TCERG1L: variants seen among roughly 807,000 people sequenced by gnomAD.
TCERG1L encodes transcription elongation regulator 1-like protein.
TCERG1L carries 37 observed loss-of-function variants against 56.3 expected under a neutral mutation model. The ratio of observed to expected loss-of-function variants is 0.66; its 90% CI spans 0.51 to 0.87. The LOEUF is 0.87. Among genes scored for constraint, TCERG1L ranks in the 40% least tolerant of loss-of-function variants. The pLI is 0.00. For synonymous variants in TCERG1L, 324 were observed against 326.3 expected, an observed-to-expected ratio of 0.99 and a Z score of 0.08; for missense variants, 799 against 774.2, an observed-to-expected ratio of 1.03 and a Z score of -0.38.
Position 131,211,799 on chromosome 10 carries a change from G to A in TCERG1L, c.857-44914C>T, listed in dbSNP as rs918614676. ...CAGGCCTGCCGGGCCACTTGCCAGCGTCACCTCTAGTGCAGACGGCGGCTG... is the reference window on the plus strand; with the variant it reads ...CAGGCCTGCCGGGCCACTTGCCAGCATCACCTCTAGTGCAGACGGCGGCTG... On this transcript the variant is annotated intron_variant, in intron 4 of 11. Coordinates refer to ENST00000368642, the MANE Select transcript of TCERG1L (RefSeq NM_174937.4). 7.9e-5 allele frequency among the ~76,000 whole-genome samples: 12 copies of A among 152,162 alleles called. 1 individual carries two copies. Among genetic ancestry groups the A allele is most frequent in the South Asian group, 6.2e-4 (3 of 4,824 alleles).
intron 4 of TCERG1L, among the ~76,000 whole-genome samples, chr10:131,240,570 G>A (rs1005506705): frequency 2.0e-5 from 3 of 152,166 alleles, no homozygotes; most frequent in African/African-American, 4.8e-5. Context: ...CGTCTGTCCC[G>A]AAGGCCAGGC....
At position 131,308,911 on chromosome 10, in the gene TCERG1L, A is replaced by C. The variant is rs112470791; in HGVS notation, c.489+242T>G. ...CAAAAAAATTTTAAAAAAGACTCTGATTCAAAAATTGGAAATTTTACATTG... is the reference window on the plus strand; with the variant it reads ...CAAAAAAATTTTAAAAAAGACTCTGCTTCAAAAATTGGAAATTTTACATTG... On this transcript the variant is annotated intron_variant, in intron 2 of 11. Coordinates refer to ENST00000368642, the MANE Select transcript of TCERG1L (RefSeq NM_174937.4). Among the ~76,000 whole-genome samples, 155 of 152,264 alleles carry C rather than the reference A, an allele frequency of 1.0e-3. 1 individual carries two copies. Among genetic ancestry groups the C allele is most frequent in the African/African-American group, 3.6e-3 (148 of 41,528 alleles).
intron 8 of TCERG1L, among the ~76,000 whole-genome samples, chr10:131,121,758 A>G (rs1845515968): frequency 1.3e-5 from 2 of 151,336 alleles, no homozygotes; most frequent in Non-Finnish European, 1.5e-5. Flanking sequence ...CTCAGTCTGC[A>G]GGTGCCAGGT....
chr10:131,249,389 CT>C (rs1405219702), intron 4 of TCERG1L, among the ~76,000 whole-genome samples: 1 of 151,316 alleles, frequency 6.6e-6, no homozygotes, highest in Admixed American at 6.6e-5. Context: ...AGTATAGGGG[CT>C]TCCACAGCCC....
At chr10:131,111,646 G>A (rs371388493) in intron 9 of TCERG1L, among the ~76,000 whole-genome samples, 6 of 142,602 alleles carry the variant, frequency 4.2e-5, no homozygotes, top group South Asian at 2.6e-4. Context: ...TTTGAAATAC[G>A]GTCACGATTT....
In TCERG1L at chr10:131,129,912, G is replaced by A. The variant is rs575738855; in HGVS notation, c.1259+4467C>T. Among the ~76,000 whole-genome samples, 4 of 152,154 alleles carry A rather than the reference G, an allele frequency of 2.6e-5. No individual in the cohort carries two copies. In the South Asian group the frequency reaches 8.3e-4, roughly 32 times the overall value. ...ATGGTGGCAGGAGACAGAGTGGATGGGGGAGACTTCCACGAACTTTTAAAC... is the reference window on the plus strand; with the variant it reads ...ATGGTGGCAGGAGACAGAGTGGATGAGGGAGACTTCCACGAACTTTTAAAC... On this transcript the variant is annotated intron_variant, in intron 8 of 11. Coordinates refer to ENST00000368642, the MANE Select transcript of TCERG1L (RefSeq NM_174937.4).
chr10:131,226,754 C>G (rs577721483), intron 4 of TCERG1L, among the ~76,000 whole-genome samples: 2 of 152,262 alleles, frequency 1.3e-5, no homozygotes, highest in African/African-American at 4.8e-5. Context: ...AAACGCCCAA[C>G]CAACAAAAAC....
intron 4 of TCERG1L, among the ~76,000 whole-genome samples, chr10:131,240,789 G>A (rs1589758590): frequency 6.6e-6 from 1 of 152,212 alleles, no homozygotes; most frequent in East Asian, 1.9e-4. Flanking sequence ...GGCGCGGAGG[G>A]ACGCCTCTCA....
intron 11 of TCERG1L, among the ~76,000 whole-genome samples, chr10:131,093,624 C>G (rs368937210): frequency 1.4e-4 from 21 of 152,324 alleles, no homozygotes; most frequent in African/African-American, 4.1e-4. Flanking sequence ...CCAGCCGCCC[C>G]GATCACAGCT....
chr10:131,260,577 C>T lies in TCERG1L; in HGVS notation c.671-133G>A. 7 of 1,131,294 alleles carry T rather than the reference C, an allele frequency of 6.2e-6. No individual in the cohort carries two copies. Among genetic ancestry groups the T allele is most frequent in the Non-Finnish European group, 7.9e-6 (7 of 880,840 alleles). 70.1% of individuals were successfully genotyped at this position (1,131,294 alleles called of 1,614,324 possible). ...GGGCGCTACCCCTCTTTAATGGAGG[C>T]CCACAGTATGTGCCACCGTCCGCAG... On this transcript the variant is annotated intron_variant, in intron 3 of 11. Coordinates refer to ENST00000368642, the MANE Select transcript of TCERG1L (RefSeq NM_174937.4). This position sits in a 1 kb window ranked among gnomAD's most constrained non-coding sequence, Gnocchi z 5.8.
intron 8 of TCERG1L, among the ~76,000 whole-genome samples, chr10:131,121,839 G>A (rs147056661): frequency 4.2e-4 from 64 of 152,338 alleles, no homozygotes; most frequent in Non-Finnish European, 6.9e-4. Flanking sequence ...AGGCCCAGGT[G>A]TGGGCACAGT....
intron 4 of TCERG1L, among the ~76,000 whole-genome samples, chr10:131,200,619 G>A (rs79748350): frequency 2.6e-5 from 4 of 152,034 alleles, no homozygotes; most frequent in Non-Finnish European, 5.9e-5. Context: ...AATTTTCCTC[G>A]GAATAAATCA....
intron 9 of TCERG1L, among the ~76,000 whole-genome samples, chr10:131,107,410 C>A (rs964958311): frequency 2.6e-5 from 4 of 152,116 alleles, no homozygotes; most frequent in African/African-American, 9.7e-5. Context: ...TCAGATAAGC[C>A]ATCTCTACAA....
intron 3 of TCERG1L, among the ~76,000 whole-genome samples, chr10:131,286,852 C>T (rs1041620545): frequency 1.4e-4 from 22 of 152,306 alleles, no homozygotes; most frequent in African/African-American, 4.8e-4. Flanking sequence ...CCGGCACTGC[C>T]GTTCCCACAT....
rs551558373 is a variant in TCERG1L, at chr10:131,310,932, G to A, written c.342+362C>T. On this transcript the variant is annotated intron_variant, in intron 1 of 11. Transcript: ENST00000368642. Reference sequence around the variant, plus strand: ...AGACTGTGAAAGTCCTAACTTCTCCGCGATGTCAGCCACGGCCCGCGGCGG... The same window carrying A: ...AGACTGTGAAAGTCCTAACTTCTCCACGATGTCAGCCACGGCCCGCGGCGG... Among the ~76,000 whole-genome samples, 13 of 152,338 alleles carry A rather than the reference G, an allele frequency of 8.5e-5. No homozygotes were observed. In the East Asian group the frequency reaches 2.3e-3, roughly 27 times the overall value.
chr10:131,301,970 T>A (rs1846766149), intron 3 of TCERG1L, among the ~76,000 whole-genome samples: 1 of 152,066 alleles, frequency 6.6e-6, no homozygotes, highest in African/African-American at 2.4e-5. Context: ...ATAAGAAGAA[T>A]AAAATACAAG....
chr10:131,101,601 G>A (rs1240920491), intron 10 of TCERG1L, among the ~76,000 whole-genome samples: 1 of 152,156 alleles, frequency 6.6e-6, no homozygotes, highest in African/African-American at 2.4e-5. Flanking sequence ...CAGATGTACT[G>A]ATGATTTTAG....
chr10:131,122,116 C>G (rs559282299), intron 8 of TCERG1L, among the ~76,000 whole-genome samples: 65 of 152,214 alleles, frequency 4.3e-4, no homozygotes, highest in Non-Finnish European at 8.8e-4. Flanking sequence ...GGATTCGGAA[C>G]CTAAAATGTT....
rs1338147531 is a variant in TCERG1L, at chr10:131,199,164, T to A, written c.857-32279A>T. ...AAATGCCTGCAGGCTCCTGCTCCCG[T>A]TGTCTGGTGAACAGCATCTGGCCGT... On this transcript the variant is annotated intron_variant, in intron 4 of 11. Coordinates refer to ENST00000368642, the MANE Select transcript of TCERG1L (RefSeq NM_174937.4). Among the ~76,000 whole-genome samples, 5 of 152,136 alleles carry A rather than the reference T, an allele frequency of 3.3e-5. No homozygotes were observed. In the South Asian group the frequency reaches 6.2e-4, roughly 19 times the overall value.
Sources: gnomAD v4.1 joint callset for allele counts (sites outside exome capture counted in the v4.1 genomes callset) on GRCh38, gnomAD v4.1.1 for gene constraint, Gnocchi (gnomAD v3.1) non-coding constraint, MANE v1.5 for transcripts, NCBI Gene and HGNC (gene_info 2026-07-23, HGNC 2026-07-21) for gene names.